Variants in NIPBL observed in about 807,000 individuals in gnomAD.
NIPBL encodes NIPBL cohesin loading factor, also known as nipped-B-like protein.
NIPBL carries 19 observed loss-of-function variants against 321.8 expected under a neutral mutation model. The ratio of observed to expected loss-of-function variants is 0.06; its 90% CI spans 0.04 to 0.09. The LOEUF (loss-of-function observed/expected upper bound fraction) is 0.09. Among genes scored for constraint, NIPBL ranks in the 10% least tolerant of loss-of-function variants. The pLI is 1.00. For synonymous variants in NIPBL, 1,106 were observed against 1,114.1 expected (o/e 0.99, Z 0.14); for missense variants, 2,210 against 3,327.0 (o/e 0.66, Z 8.26).
chr5:37,060,810 T>C (rs747550574), intron 44 of NIPBL, 34 bp from the exon 45 acceptor site: 35 of 1,588,880 alleles, frequency 2.2e-5, no homozygotes, highest in Non-Finnish European at 2.9e-5. Context: ...GTTTCCATAG[T>C]TTTAAAGTTT....
intron 1 of NIPBL, chr5:36,886,431 C>A: frequency 1.4e-6 from 1 of 740,716 alleles, no homozygotes; most frequent in East Asian, 2.5e-5. Context: ...AAAAGACCAC[C>A]ACCCGCTGGA....
At chr5:37,058,306 T>C (rs1406609705) in intron 43 of NIPBL, among the ~76,000 whole-genome samples, 4 of 152,244 alleles carry the variant, frequency 2.6e-5, no homozygotes, top group African/African-American at 9.6e-5. Flanking sequence ...TGGCTATCTT[T>C]GTAAATGTTT....
At position 37,045,415 on chromosome 5, in the gene NIPBL, A is replaced by G. The variant is rs373012360; in HGVS notation, c.6344-28A>G. The G allele has an allele frequency of 1.0e-5, 15 of 1,499,236 alleles. No homozygotes were observed. The African/African-American group carries it at 1.3e-4, about 13-fold the overall frequency. The allele number at this position is 1,499,236 out of a possible 1,614,324, so 92.9% of individuals were successfully genotyped here. On this transcript the variant is annotated intron_variant, in intron 36 of 46. Transcript: ENST00000282516. ...ACTTAGTAATTCAAAGATAAATATT[A>G]TAAGTAAATATTACTTATCTTTATT...
chr5:36,956,771 C>T (rs1182859063), intron 3 of NIPBL, among the ~76,000 whole-genome samples: 1 of 151,356 alleles, frequency 6.6e-6, no homozygotes, highest in East Asian at 1.9e-4. Context: ...ATTACAGGCC[C>T]CCACCACCAT....
At position 36,985,037 on chromosome 5, in the gene NIPBL, A is replaced by G; in HGVS notation, c.1857A>G (p.Arg619=). 2 of 1,613,968 alleles carry G rather than the reference A, an allele frequency of 1.2e-6. No individual in the cohort carries two copies. Among genetic ancestry groups the G allele is most frequent in the Non-Finnish European group, 1.7e-6 (2 of 1,179,978 alleles). ...SKSEMKQSES[R]LAESKPNENR... Reference sequence around the variant, plus strand: ...GTGAAATGAAACAAAGTGAAAGTAGATTAGCAGAATCTAAACCAAATGAAA... The same window carrying G: ...GTGAAATGAAACAAAGTGAAAGTAGGTTAGCAGAATCTAAACCAAATGAAA... Residue 619 remains arginine (R), a synonymous_variant, in exon 10 of 47, where the codon AGA becomes AGG. Transcript: ENST00000282516.
At chr5:37,018,689 C>A (rs947988643) in intron 24 of NIPBL, among the ~76,000 whole-genome samples, 1 of 152,136 alleles carries the variant, frequency 6.6e-6, no homozygotes, top group Non-Finnish European at 1.5e-5. Flanking sequence ...GGGGAAGGAT[C>A]ATTTGTAAAT....
chr5:37,021,894 T>G (rs1749691228), intron 27 of NIPBL, among the ~76,000 whole-genome samples, 157 bp from the exon 28 acceptor site: 1 of 152,226 alleles, frequency 6.6e-6, no homozygotes, highest in South Asian at 2.1e-4. Context: ...ATTTTTAAGT[T>G]AAACTTTGAA....
chr5:37,057,786 T>C (rs1754263625), intron 43 of NIPBL, among the ~76,000 whole-genome samples: 2 of 152,240 alleles, frequency 1.3e-5, no homozygotes, highest in African/African-American at 4.8e-5. Flanking sequence ...AGTTTGCATA[T>C]GTGTGCCCAA....
At chr5:36,934,245 A>C (rs1749992406) in intron 1 of NIPBL, among the ~76,000 whole-genome samples, 1 of 152,140 alleles carries the variant, frequency 6.6e-6, no homozygotes, top group South Asian at 2.1e-4. Context: ...GGTATTATGG[A>C]AAGATTTCAA....
chr5:37,063,116 A>G (rs974806124), intron 45 of NIPBL, among the ~76,000 whole-genome samples: 1 of 152,314 alleles, frequency 6.6e-6, no homozygotes, highest in African/African-American at 2.4e-5. Context: ...AGGTGGGCAG[A>G]TCACTCGAGG....
chr5:36,941,520 A>C (rs1262686280), intron 1 of NIPBL, among the ~76,000 whole-genome samples: 1 of 151,788 alleles, frequency 6.6e-6, no homozygotes, highest in African/African-American at 2.4e-5. Context: ...ACCAAAAAAA[A>C]AAAAAAAACC....
chr5:36,927,220 T>C (rs745484421), intron 1 of NIPBL, among the ~76,000 whole-genome samples: 4 of 152,190 alleles, frequency 2.6e-5, no homozygotes, highest in Non-Finnish European at 4.4e-5. Flanking sequence ...CTCACCAATT[T>C]ATATAACACT....
At chr5:37,044,126 T>A (rs896484151) in intron 34 of NIPBL, among the ~76,000 whole-genome samples, 4 of 152,194 alleles carry the variant, frequency 2.6e-5, no homozygotes, top group African/African-American at 9.7e-5. Flanking sequence ...TGTGATTAAG[T>A]GACCCCAAAG....
intron 29 of NIPBL, among the ~76,000 whole-genome samples, chr5:37,022,630 A>G (rs530603064): frequency 6.6e-6 from 1 of 152,298 alleles, no homozygotes; most frequent in Admixed American, 6.5e-5. Flanking sequence ...TTTCTTTTTA[A>G]TTATACCAGT....
intron 1 of NIPBL, among the ~76,000 whole-genome samples, chr5:36,879,691 G>C (rs1409479328): frequency 6.6e-6 from 1 of 152,028 alleles, no homozygotes; most frequent in Non-Finnish European, 1.5e-5. Context: ...AAGTGTTCCA[G>C]TAACCTTATA....
intron 1 of NIPBL, among the ~76,000 whole-genome samples, chr5:36,915,539 G>A (rs562801327): frequency 6.6e-6 from 1 of 152,206 alleles, no homozygotes; most frequent in African/African-American, 2.4e-5. Flanking sequence ...CCTGATTGGA[G>A]TTTTGTTCTC....
intron 1 of NIPBL, among the ~76,000 whole-genome samples, chr5:36,952,059 C>CGA (rs1561070154): frequency 1.3e-5 from 1 of 74,494 alleles, no homozygotes; most frequent in Non-Finnish European, 2.7e-5. Context: ...TGTGTGCGCG[C>CGA]GCGCGCGCGC....
chr5:36,995,976 G>T (rs1746099870), intron 11 of NIPBL, among the ~76,000 whole-genome samples, 172 bp downstream of exon 11: 1 of 152,068 alleles, frequency 6.6e-6, no homozygotes, highest in Non-Finnish European at 1.5e-5. Flanking sequence ...GATGAGATCA[G>T]TTGGCACCAA....
At position 36,985,876 on chromosome 5, in the gene NIPBL, A is replaced by G; in HGVS notation, c.2696A>G (p.Asp899Gly). Residue 899 changes from aspartate (D) to glycine (G), a missense_variant, in exon 10 of 47, where the codon GAT (aspartate) becomes GGT (glycine). Physicochemically the swap from Asp to Gly is moderately conservative, Grantham distance 94. Around this residue, in one of 14 missense-constraint regions of NIPBL, gnomAD observed 588 missense variants for 564.1 expected, o/e 1.04. Transcript: ENST00000282516. The stretch of plus-strand genomic sequence containing the variant: ...GACAGTCCTCGTGTTAAACAAGGAG[A>G]TTCTAATAAATCAAGATCTGATAAA... ...RPDSPRVKQG[D>G]SNKSRSDKLG... 1.2e-6 allele frequency: 2 copies of G among 1,613,932 alleles called. No individual in the cohort carries two copies. Among genetic ancestry groups the G allele is most frequent in the South Asian group, 2.2e-5 (2 of 91,082 alleles).
Sources: gnomAD v4.1 joint callset for allele counts (sites outside exome capture counted in the v4.1 genomes callset) on GRCh38, gnomAD v4.1.1 for gene constraint, gnomAD v4.1.1 regional missense constraint, MANE v1.5 for transcripts, NCBI Gene and HGNC (gene_info 2026-07-23, HGNC 2026-07-21) for gene names.